MARCHF1: variants seen among roughly 807,000 people sequenced by gnomAD.
The protein encoded by MARCHF1 is E3 ubiquitin-protein ligase MARCHF1.
A neutral mutation model predicts 54.2 loss-of-function variants in MARCHF1; 40 were observed. The ratio of observed to expected loss-of-function variants is 0.74; its 90% CI spans 0.57 to 0.96. The LOEUF is 0.96. MARCHF1 is among the 40% of genes least tolerant of loss of function. The pLI is 0.00. For missense variants in MARCHF1, 586 were observed against 656.5 expected (o/e 0.89, Z 1.17); for synonymous variants, 236 against 236.3 (o/e 1.00, Z 0.01).
chr4:163,968,757 C>G (rs575606191), intron 3 of MARCHF1, among the ~76,000 whole-genome samples: 6 of 152,254 alleles, frequency 3.9e-5, no homozygotes, highest in African/African-American at 1.2e-4. Context: ...CTTCCTCACT[C>G]CTCTTCCATC....
intron 2 of MARCHF1, among the ~76,000 whole-genome samples, chr4:164,022,464 C>T (rs1560866109): frequency 6.6e-6 from 1 of 152,166 alleles, no homozygotes; most frequent in East Asian, 1.9e-4. Context: ...ATGTGGGGTA[C>T]ACAAATGCTA....
intron 3 of MARCHF1, among the ~76,000 whole-genome samples, chr4:163,915,296 C>G (rs1265857131): frequency 6.6e-6 from 1 of 152,032 alleles, no homozygotes; most frequent in Non-Finnish European, 1.5e-5. Context: ...TACCTTGCCT[C>G]TGTGATATCC....
At chr4:163,955,027 C>T (rs1024970409) in intron 3 of MARCHF1, among the ~76,000 whole-genome samples, 1 of 151,914 alleles carries the variant, frequency 6.6e-6, no homozygotes, top group Non-Finnish European at 1.5e-5. Flanking sequence ...TGTTCCTCTA[C>T]AGTCTGTGAT....
chr4:163,741,532 G>C (rs1294977273), intron 4 of MARCHF1, among the ~76,000 whole-genome samples: 5 of 151,166 alleles, frequency 3.3e-5, no homozygotes, highest in African/African-American at 1.2e-4. Flanking sequence ...GCAGTGAGCA[G>C]AGATTGTGCC....
intron 4 of MARCHF1, among the ~76,000 whole-genome samples, chr4:163,713,037 T>C (rs1447651885): frequency 1.3e-5 from 2 of 152,142 alleles, no homozygotes; most frequent in African/African-American, 4.8e-5. Context: ...CTTCGACTCA[T>C]CTCCTTTCAT....
intron 1 of MARCHF1, among the ~76,000 whole-genome samples, chr4:164,141,446 C>A (rs186335695): frequency 7.9e-4 from 120 of 152,322 alleles, no homozygotes; most frequent in African/African-American, 2.7e-3. Flanking sequence ...AATGTCCCCC[C>A]ATCATTTCTA....
At chr4:163,731,532 C>T (rs1322793025) in intron 4 of MARCHF1, among the ~76,000 whole-genome samples, 1 of 152,156 alleles carries the variant, frequency 6.6e-6, no homozygotes, top group African/African-American at 2.4e-5. Flanking sequence ...TAGCAAGTTC[C>T]CTCAGCTGAG....
rs191482394 is a variant in MARCHF1, at chr4:164,306,890, T to C, written c.-323+76980A>G. 2.0e-5 allele frequency among the ~76,000 whole-genome samples: 3 copies of C among 152,338 alleles called. No homozygotes were observed. The East Asian group carries it at 5.8e-4, about 29-fold the overall frequency. On this transcript the variant is annotated intron_variant, in intron 1 of 9. Coordinates refer to ENST00000514618, the MANE Select transcript of MARCHF1 (RefSeq NM_001394959.1). ...TAAACTAATCATCATCAATGACATC[T>C]CTTCCTTACATATTTCATTTTAAAT...
intron 2 of MARCHF1, among the ~76,000 whole-genome samples, chr4:164,082,291 G>C (rs13130504): frequency 0.18 from 27,110 of 152,118 alleles, 3,142 homozygotes; most frequent in Non-Finnish European, 0.26. Flanking sequence ...TAAATTGTCC[G>C]CAAGAACACT....
intron 4 of MARCHF1, among the ~76,000 whole-genome samples, chr4:163,715,837 T>TA (rs1745239988): frequency 6.6e-6 from 1 of 152,134 alleles, no homozygotes; most frequent in Non-Finnish European, 1.5e-5. Context: ...AGCAGATTTT[T>TA]AAAAAACGTA....
At chr4:164,260,896 AAAT>A (rs1733442364) in intron 1 of MARCHF1, among the ~76,000 whole-genome samples, 1 of 152,248 alleles carries the variant, frequency 6.6e-6, no homozygotes, top group African/African-American at 2.4e-5. Context: ...AGGTGTAAAC[AAAT>A]AATGATGAGA....
intron 9 of MARCHF1, among the ~76,000 whole-genome samples, chr4:163,543,783 G>T (rs1227970257): frequency 6.6e-6 from 1 of 152,098 alleles, no homozygotes; most frequent in East Asian, 1.9e-4. Context: ...TGTCTATGAG[G>T]GTCTATGTAT....
At chr4:164,015,890 T>C (rs1753529100) in intron 2 of MARCHF1, among the ~76,000 whole-genome samples, 1 of 144,988 alleles carries the variant, frequency 6.9e-6, no homozygotes, top group Admixed American at 6.9e-5. Context: ...GAAAACAGTA[T>C]AAGTTTCCCC....
chr4:164,188,644 G>C, intron 1 of MARCHF1: 1 of 1,067,786 alleles, frequency 9.4e-7, no homozygotes, highest in Admixed American at 1.7e-5. Flanking sequence ...CCAATCCCAA[G>C]AACACGGTCT....
chr4:164,081,657 C>T (rs1210175198), intron 2 of MARCHF1, among the ~76,000 whole-genome samples: 1 of 151,962 alleles, frequency 6.6e-6, no homozygotes, highest in Non-Finnish European at 1.5e-5. Context: ...TAGCTAAGGT[C>T]CCTTAACTTG....
chr4:163,772,713 C>T lies in MARCHF1; in HGVS notation c.112-71850G>A, dbSNP rs113644972. On this transcript the variant is annotated intron_variant, in intron 4 of 9. Coordinates refer to ENST00000514618, the MANE Select transcript of MARCHF1 (RefSeq NM_001394959.1). ...CCATCTGCCACTAGCCAAAGAAAAGCCCTGCTTTAAAGGGGCTCATTTGAT... is the reference window on the plus strand; with the variant it reads ...CCATCTGCCACTAGCCAAAGAAAAGTCCTGCTTTAAAGGGGCTCATTTGAT... Among the ~76,000 whole-genome samples, 528 of 151,680 alleles carry T rather than the reference C, an allele frequency of 3.5e-3. 7 individuals are homozygous for T. The highest frequency in any genetic ancestry group is 0.012 in the African/African-American group (493 of 41,358).
intron 5 of MARCHF1, among the ~76,000 whole-genome samples, chr4:163,667,607 C>T (rs571328482): frequency 6.6e-6 from 1 of 151,864 alleles, no homozygotes; most frequent in African/African-American, 2.4e-5. Flanking sequence ...TATACCACTG[C>T]ATAATGTCCA....
chr4:163,581,594 C>T (rs1040331387), intron 8 of MARCHF1, among the ~76,000 whole-genome samples: 1 of 152,158 alleles, frequency 6.6e-6, no homozygotes, highest in African/African-American at 2.4e-5. Flanking sequence ...TGTACCAGCA[C>T]TTGGCTCTTT....
chr4:164,188,537 G>A (rs1731037823), intron 1 of MARCHF1: 4 of 725,610 alleles, frequency 5.5e-6, no homozygotes, highest in Admixed American at 3.7e-5. Flanking sequence ...GGAGATCACC[G>A]CCAACAATCA....
Sources: gnomAD v4.1 joint callset for allele counts (sites outside exome capture counted in the v4.1 genomes callset) on GRCh38, gnomAD v4.1.1 for gene constraint, MANE v1.5 for transcripts, NCBI Gene and HGNC (gene_info 2026-07-23, HGNC 2026-07-21) for gene names.